KIF13A: variants seen among roughly 807,000 people sequenced by gnomAD.
KIF13A encodes the protein kinesin-like protein KIF13A.
In KIF13A, 79 loss-of-function variants were observed where a neutral mutation model predicts 212.2. That is an observed-to-expected ratio of 0.37 (90% CI 0.31 to 0.45). The LOEUF (loss-of-function observed/expected upper bound fraction) is 0.45. Ranked by LOEUF, KIF13A falls within the 20% of genes least tolerant of loss-of-function variation. KIF13A has a pLI of 1.00. For missense variants in KIF13A, 1,901 were observed against 2,209.0 expected (o/e 0.86, Z 2.79); for synonymous variants, 789 against 808.6 (o/e 0.98, Z 0.41).
Position 17,779,045 on chromosome 6 carries a change from C to T in KIF13A, c.3994G>A (p.Glu1332Lys). 1 of 1,613,702 alleles carries T rather than the reference C, an allele frequency of 6.2e-7. No individual in the cohort carries two copies. Among genetic ancestry groups the T allele is most frequent in the Non-Finnish European group, 8.5e-7 (1 of 1,179,824 alleles). Residue 1332 changes from glutamate to lysine, a missense_variant, in exon 33 of 39, where the codon GAA becomes AAA. This residue lies in a region of KIF13A where 687 missense variants were observed against 759.1 expected (regional missense o/e 0.90). Coordinates refer to ENST00000259711, the MANE Select transcript of KIF13A (RefSeq NM_022113.6). ...TCCCCATCTGATGTGCCTTCGTTTT[C>T]ACTCCTTGCTGCCAGGAGAGCCAGC... ...ETLALLAARSENEGTSDGETY... is the reference protein window; with the variant it reads ...ETLALLAARSKNEGTSDGETY...
intron 16 of KIF13A, chr6:17,821,875 C>G (rs1207628884): frequency 8.5e-6 from 13 of 1,535,182 alleles, no homozygotes; most frequent in Non-Finnish European, 1.1e-5. Context: ...GGATGACCAC[C>G]AGGCAGACAG....
rs1264058449 is a variant in KIF13A, at chr6:17,963,597, G to T, written c.146+23457C>A. 6.6e-6 allele frequency among the ~76,000 whole-genome samples: 1 copy of T among 152,140 alleles called. No homozygotes were observed. Among genetic ancestry groups the T allele is most frequent in the South Asian group, 2.1e-4 (1 of 4,834 alleles). On this transcript the variant is annotated intron_variant, in intron 2 of 38. Coordinates refer to ENST00000259711, the MANE Select transcript of KIF13A (RefSeq NM_022113.6). The surrounding 1 kb of genome is among the most constrained non-coding windows in gnomAD (Gnocchi z 4.1). ...TTTTGAGACAGAGTCTTGCTGTGTC[G>T]CCTAGGCTGGAGTGCTGCGCGTGAT...
rs1016600078 is a variant in KIF13A at position 17,953,724 on chromosome 6, A to T, written c.146+33330T>A. 2.6e-5 allele frequency: 5 copies of T among 191,610 alleles called. No homozygotes were observed. The East Asian group carries it at 5.7e-4, about 22-fold the overall frequency. The allele number at this position is 191,610 out of a possible 1,614,324, so 11.9% of individuals were successfully genotyped here. ...GCACCCAACTACGATGAGCCTGTGT[A>T]TATCAAGTTGGTGCAGGCCCTTTGC... On this transcript the variant is annotated intron_variant, in intron 2 of 38. Transcript: ENST00000259711.
chr6:17,952,620 G>C (rs1445114226), intron 2 of KIF13A, among the ~76,000 whole-genome samples: 1 of 151,600 alleles, frequency 6.6e-6, no homozygotes, highest in Non-Finnish European at 1.5e-5. Flanking sequence ...CAGTCTGGGT[G>C]ACAGGGAGAG....
chr6:17,949,948 T>A (rs1402461844), intron 2 of KIF13A, among the ~76,000 whole-genome samples: 1 of 152,166 alleles, frequency 6.6e-6, no homozygotes, highest in Non-Finnish European at 1.5e-5. Flanking sequence ...ACATATTTCC[T>A]ACAAAATGCA....
chr6:17,764,401 A>T lies in KIF13A; in HGVS notation c.5127T>A (p.Ile1709=). The change falls in exon 39 of 39, where the codon ATT becomes ATA. Residue 1709 remains isoleucine, a synonymous_variant. Transcript: ENST00000259711. This position sits in a 1 kb window ranked among gnomAD's most constrained non-coding sequence, Gnocchi z 5.1. ...GGCAGAATCCCCTGGCTGGCTGGCT[A>T]ATTTTGCTGGGGCAGGCATCTAGTT... ...CSELDACPSK[I]SQPARGFCPR... is the part of the protein sequence containing the mutation. 2 of 1,613,932 alleles carry T rather than the reference A, an allele frequency of 1.2e-6. No individual in the cohort carries two copies. Among genetic ancestry groups the T allele is most frequent in the Non-Finnish European group, 1.7e-6 (2 of 1,179,870 alleles).
At chr6:17,861,099 T>C (rs1220423874) in intron 4 of KIF13A, among the ~76,000 whole-genome samples, 1 of 152,150 alleles carries the variant, frequency 6.6e-6, no homozygotes, top group Non-Finnish European at 1.5e-5. Context: ...TAAAATAGAA[T>C]TCAAATTTAT....
At chr6:17,891,380 T>C (rs990206749) in intron 3 of KIF13A, among the ~76,000 whole-genome samples, 4 of 152,210 alleles carry the variant, frequency 2.6e-5, no homozygotes, top group African/African-American at 9.6e-5. Flanking sequence ...ACATGTTACA[T>C]TACACATGCT....
rs192818683 is a variant in KIF13A at position 17,843,570 on chromosome 6, T to G, written c.830+5807A>C. Among the ~76,000 whole-genome samples the G allele has an allele frequency of 6.4e-4, 97 of 152,348 alleles. No homozygotes were observed. The highest frequency in any genetic ancestry group is 1.2e-3 in the Non-Finnish European group (82 of 68,032). ...GATATGGATACGATGTTTGGAATGA[T>G]AGAGCTATCCTGAGATCATGAAGAT... On this transcript the variant is annotated intron_variant, in intron 9 of 38. Coordinates refer to ENST00000259711, the MANE Select transcript of KIF13A (RefSeq NM_022113.6). This position sits in a 1 kb window ranked among gnomAD's most constrained non-coding sequence, Gnocchi z 5.3.
At chr6:17,798,237 T>C (rs968809274) in intron 22 of KIF13A, among the ~76,000 whole-genome samples, 4 of 151,968 alleles carry the variant, frequency 2.6e-5, no homozygotes, top group South Asian at 2.1e-4. Flanking sequence ...TCACAAGAGA[T>C]CCAAAAAACT....
chr6:17,876,194 C>T (rs1436800327), intron 3 of KIF13A, among the ~76,000 whole-genome samples: 1 of 152,142 alleles, frequency 6.6e-6, no homozygotes, highest in Non-Finnish European at 1.5e-5. Context: ...GCAGTCCAAA[C>T]AGCAAATTAC....
intron 25 of KIF13A, among the ~76,000 whole-genome samples, chr6:17,791,236 T>C (rs1761526334): frequency 6.6e-6 from 1 of 152,170 alleles, no homozygotes; most frequent in South Asian, 2.1e-4. Flanking sequence ...AACAAATGGC[T>C]CTAATTTATC....
At chr6:17,804,660 T>C in intron 19 of KIF13A, 150 bp from the exon 20 acceptor site, 1 of 890,640 alleles carries the variant, frequency 1.1e-6, no homozygotes, top group East Asian at 2.8e-5. Flanking sequence ...AAATAAAAAC[T>C]AAATTAGCTG....
In KIF13A at chr6:17,780,877, C is replaced by G; in HGVS notation, c.3699G>C (p.Ser1233=). The G allele has an allele frequency of 3.1e-6, 5 of 1,613,658 alleles. No homozygotes were observed. Among genetic ancestry groups the G allele is most frequent in the Non-Finnish European group, 4.2e-6 (5 of 1,179,760 alleles). The change falls in exon 31 of 39, where the codon TCG becomes TCC. Residue 1233 remains serine (S), a synonymous_variant. Transcript: ENST00000259711. ...TATTCAAGTGAACAGAATCATGCAC[C>G]GAGGAATCCCAAGAGGCTGTGGCTG... ...EVSATASWDS[S]VHDSVHLNRV...
chr6:17,777,435 G>A lies in KIF13A; in HGVS notation c.4093-81C>T. On this transcript the variant is annotated intron_variant, in intron 33 of 38. Transcript: ENST00000259711. This position sits in a 1 kb window ranked among gnomAD's most constrained non-coding sequence, Gnocchi z 4.4. ...GTCTCACTCTGTTGCCCAGGCTGGAGTGTAGTGATGCGATCTCTGCTCACT... is the reference window on the plus strand; with the variant it reads ...GTCTCACTCTGTTGCCCAGGCTGGAATGTAGTGATGCGATCTCTGCTCACT... 3 of 1,155,710 alleles carry A rather than the reference G, an allele frequency of 2.6e-6. No homozygotes were observed. The highest frequency in any genetic ancestry group is 3.8e-6 in the Non-Finnish European group (3 of 789,142). The allele number at this position is 1,155,710 out of a possible 1,614,324, so 71.6% of individuals were successfully genotyped here.
At chr6:17,921,419 G>T (rs532945155) in intron 2 of KIF13A, among the ~76,000 whole-genome samples, 1 of 152,296 alleles carries the variant, frequency 6.6e-6, no homozygotes, top group Non-Finnish European at 1.5e-5. Context: ...TATGAAGGAG[G>T]AAAAACATAC....
Position 17,771,442 on chromosome 6 carries a change from T to G in KIF13A, c.4477-224A>C. On this transcript the variant is annotated intron_variant, in intron 37 of 38. Transcript: ENST00000259711. The surrounding 1 kb of genome is among the most constrained non-coding windows in gnomAD (Gnocchi z 5.4). ...ATTAGTCTTATTTAAAAAACAGCCTTTTGACCAGGTACAACGGCTCATGCC... is the reference window on the plus strand; with the variant it reads ...ATTAGTCTTATTTAAAAAACAGCCTGTTGACCAGGTACAACGGCTCATGCC... The G allele has an allele frequency of 1.1e-5, 6 of 526,352 alleles. No homozygotes were observed. The highest frequency in any genetic ancestry group is 2.0e-5 in the Non-Finnish European group (6 of 295,894). 32.6% of individuals were successfully genotyped at this position (526,352 alleles called of 1,614,324 possible).
chr6:17,893,585 G>A (rs987745345), intron 3 of KIF13A, among the ~76,000 whole-genome samples: 2 of 151,732 alleles, frequency 1.3e-5, no homozygotes, highest in African/African-American at 4.8e-5. Context: ...TTCTTTTCTT[G>A]CTTAACTGCA....
rs1216865906 is a variant in KIF13A, at chr6:17,828,681, C to T, written c.1402-311G>A. Reference sequence around the variant, plus strand: ...AATTGTGACTTGACCACGGGGAAGCCATTTCACTCTCTGAGCCTCAGTTTC... The same window carrying T: ...AATTGTGACTTGACCACGGGGAAGCTATTTCACTCTCTGAGCCTCAGTTTC... On this transcript the variant is annotated intron_variant, in intron 13 of 38. Coordinates refer to ENST00000259711, the MANE Select transcript of KIF13A (RefSeq NM_022113.6). This position sits in a 1 kb window ranked among gnomAD's most constrained non-coding sequence, Gnocchi z 4.3. 1.3e-5 allele frequency among the ~76,000 whole-genome samples: 2 copies of T among 152,130 alleles called. No individual in the cohort carries two copies. The highest frequency in any genetic ancestry group is 6.6e-5 in the Admixed American group (1 of 15,266).
Sources: gnomAD v4.1 joint callset for allele counts (sites outside exome capture counted in the v4.1 genomes callset) on GRCh38, gnomAD v4.1.1 for gene constraint, gnomAD v4.1.1 regional missense constraint, Gnocchi (gnomAD v3.1) non-coding constraint, MANE v1.5 for transcripts, NCBI Gene and HGNC (gene_info 2026-07-23, HGNC 2026-07-21) for gene names.